IL1RAP: variants seen among roughly 807,000 people sequenced by gnomAD.
The protein encoded by IL1RAP is interleukin-1 receptor accessory protein.
IL1RAP carries 35 observed loss-of-function variants against 60.7 expected under a neutral mutation model. The observed-to-expected ratio is 0.58, with a 90% CI of 0.44 to 0.76. The LOEUF is 0.76. Ranked by LOEUF, IL1RAP falls within the 30% of genes least tolerant of loss-of-function variation. The pLI is 0.00. For synonymous variants in IL1RAP, 268 were observed against 250.9 expected (o/e 1.07, Z -0.64); for missense variants, 572 against 693.9 (o/e 0.82, Z 1.97).
chr3:190,532,845 C>G (rs1483929509), intron 1 of IL1RAP, among the ~76,000 whole-genome samples: 1 of 152,160 alleles, frequency 6.6e-6, no homozygotes, highest in Non-Finnish European at 1.5e-5. Context: ...AGCCCATTTG[C>G]GTTTCTGGCC....
intron 3 of IL1RAP, among the ~76,000 whole-genome samples, chr3:190,603,728 A>G (rs1730049976): frequency 6.6e-6 from 1 of 152,182 alleles, no homozygotes; most frequent in Admixed American, 6.6e-5. Flanking sequence ...GAATCAGAAG[A>G]TCTAGAGCAA....
At chr3:190,537,372 T>C (rs1723555237) in intron 1 of IL1RAP, among the ~76,000 whole-genome samples, 1 of 152,144 alleles carries the variant, frequency 6.6e-6, no homozygotes, top group Non-Finnish European at 1.5e-5. Flanking sequence ...CAGGCAGCTG[T>C]ACGAAAACCT....
At chr3:190,635,217 A>G (rs1160956269) in intron 9 of IL1RAP, among the ~76,000 whole-genome samples, 1 of 151,908 alleles carries the variant, frequency 6.6e-6, no homozygotes, top group South Asian at 2.1e-4. Flanking sequence ...GTGATGTTCC[A>G]CTGTCACTCC....
intron 2 of IL1RAP, among the ~76,000 whole-genome samples, chr3:190,563,095 T>C (rs4687150): frequency 0.55 from 82,969 of 151,972 alleles, 24,987 homozygotes; most frequent in East Asian, 0.68. Flanking sequence ...GTAGTTTATA[T>C]CTTTTGTTAT....
At chr3:190,630,089 T>A (rs1169017997) in intron 9 of IL1RAP, 1 of 770,798 alleles carries the variant, frequency 1.3e-6, no homozygotes, top group East Asian at 1.3e-4. Flanking sequence ...AAATGCATAA[T>A]TATAATATTA....
Position 190,514,109 on chromosome 3 carries a change from A to G in IL1RAP, c.-199A>G, listed in dbSNP as rs1332527595. ...AGGCTCACTGGGGAAGACTGCCGGGATCCAGGTCTCCGGGGTCCGCTTTGG... is the reference window on the plus strand; with the variant it reads ...AGGCTCACTGGGGAAGACTGCCGGGGTCCAGGTCTCCGGGGTCCGCTTTGG... On this transcript the variant is annotated 5_prime_UTR_variant, in exon 1 of 12. Transcript: ENST00000447382. 6.6e-6 allele frequency: 1 copy of G among 152,306 alleles called. No homozygotes were observed. Among genetic ancestry groups the G allele is most frequent in the East Asian group, 1.9e-4 (1 of 5,170 alleles). 9.4% of individuals were successfully genotyped at this position (152,306 alleles called of 1,614,324 possible).
At chr3:190,558,084 T>G (rs1431498571) in intron 2 of IL1RAP, among the ~76,000 whole-genome samples, 3 of 152,216 alleles carry the variant, frequency 2.0e-5, no homozygotes, top group South Asian at 4.1e-4. Context: ...CCTTTGAGAT[T>G]CATCCAAGTT....
chr3:190,608,866 C>T, intron 4 of IL1RAP, 129 bp from the exon 5 acceptor site: 1 of 633,160 alleles, frequency 1.6e-6, no homozygotes, highest in Non-Finnish European at 2.7e-6. Flanking sequence ...CATTTTATCT[C>T]TTACATGAAC....
At chr3:190,575,181 C>A (rs187982008) in intron 3 of IL1RAP, among the ~76,000 whole-genome samples, 2 of 152,246 alleles carry the variant, frequency 1.3e-5, no homozygotes, top group African/African-American at 4.8e-5. Flanking sequence ...CCCAGTTCAG[C>A]ATATGTCTCC....
rs910034796 is a variant in IL1RAP, at chr3:190,651,414, T to G, written c.*2709T>G. 2.9e-6 allele frequency: 2 copies of G among 695,632 alleles called. No individual in the cohort carries two copies. Among genetic ancestry groups the G allele is most frequent in the Non-Finnish European group, 3.5e-6 (2 of 565,716 alleles). 43.1% of individuals were successfully genotyped at this position (695,632 alleles called of 1,614,324 possible). On this transcript the variant is annotated 3_prime_UTR_variant, in exon 12 of 12. Coordinates refer to ENST00000447382, the MANE Select transcript of IL1RAP (RefSeq NM_002182.4). The stretch of plus-strand genomic sequence containing the variant: ...TCCATAGGTTTTAATATTTTGAGAG[T>G]GTCTTTTTTATTTCATTCATGAACT...
intron 2 of IL1RAP, among the ~76,000 whole-genome samples, chr3:190,562,764 A>T (rs1201404646): frequency 1.1e-4 from 17 of 151,094 alleles, no homozygotes; most frequent in Admixed American, 1.1e-3. Flanking sequence ...CACACACACA[A>T]ACTAAAAAAT....
intron 3 of IL1RAP, among the ~76,000 whole-genome samples, chr3:190,597,991 AG>A (rs1729528713): frequency 6.6e-6 from 1 of 152,192 alleles, no homozygotes; most frequent in African/African-American, 2.4e-5. Flanking sequence ...AAACCCCAGC[AG>A]GCCTTCCTTT....
At chr3:190,657,051 G>C (rs1734640641) in exon 12 of IL1RAP, 1 of 153,508 alleles carries the variant, frequency 6.5e-6, no homozygotes, top group African/African-American at 2.4e-5. Flanking sequence ...GTAGGACGAA[G>C]CTCAACAGAA....
chr3:190,557,818 T>A (rs1196902776), intron 2 of IL1RAP, among the ~76,000 whole-genome samples: 2 of 152,216 alleles, frequency 1.3e-5, no homozygotes, highest in Non-Finnish European at 2.9e-5. Context: ...TAACATTAAC[T>A]TTTTTGGGAG....
chr3:190,528,893 G>T (rs956081291), intron 1 of IL1RAP, among the ~76,000 whole-genome samples: 1 of 152,200 alleles, frequency 6.6e-6, no homozygotes, highest in Non-Finnish European at 1.5e-5. Context: ...TCTGACCGGG[G>T]TGAGTGAATG....
intron 5 of IL1RAP, chr3:190,615,144 C>CA: frequency 1.3e-5 from 2 of 154,434 alleles, no homozygotes; most frequent in Non-Finnish European, 2.8e-5. Flanking sequence ...TAGTTTAACT[C>CA]CTGTGAGTTA....
At chr3:190,600,097 A>C (rs1388401305) in intron 3 of IL1RAP, among the ~76,000 whole-genome samples, 1 of 152,040 alleles carries the variant, frequency 6.6e-6, no homozygotes, top group Admixed American at 6.6e-5. Flanking sequence ...CAGATTTAAG[A>C]AGAAGTGATT....
intron 1 of IL1RAP, among the ~76,000 whole-genome samples, chr3:190,540,466 G>T (rs9817149): frequency 0.055 from 8,386 of 151,832 alleles, 295 homozygotes; most frequent in South Asian, 0.075. Context: ...TTCCTGTCCT[G>T]GCTGTGCAAT....
At chr3:190,652,420 C>A (rs1390541845), downstream of IL1RAP, among the ~76,000 whole-genome samples, 1 of 151,482 alleles carries the variant, frequency 6.6e-6, no homozygotes, top group Non-Finnish European at 1.5e-5. Flanking sequence ...TGAGATTGCA[C>A]CACTGGACTC....
Sources: gnomAD v4.1 joint callset for allele counts (sites outside exome capture counted in the v4.1 genomes callset) on GRCh38, gnomAD v4.1.1 for gene constraint, MANE v1.5 for transcripts, NCBI Gene and HGNC (gene_info 2026-07-23, HGNC 2026-07-21) for gene names.